WDR17: variants seen among roughly 807,000 people sequenced by gnomAD.
WDR17 encodes the protein WD repeat domain 17, also known as WD repeat-containing protein 17.
WDR17 carries 143 observed loss-of-function variants against 161.7 expected under a neutral mutation model. That is an observed-to-expected ratio of 0.88 (90% confidence interval 0.77 to 1.02). WDR17 has a LOEUF of 1.02. WDR17 is among the 50% of genes least tolerant of loss of function. WDR17 has a pLI of 0.00. For missense variants in WDR17, 1,469 were observed against 1,520.9 expected (o/e 0.97, Z 0.57); for synonymous variants, 517 against 515.6 (o/e 1.00, Z -0.04).
chr4:176,113,225 C>A (rs900060149), intron 2 of WDR17, among the ~76,000 whole-genome samples: 1 of 151,976 alleles, frequency 6.6e-6, no homozygotes, highest in African/African-American at 2.4e-5. Flanking sequence ...TCTCTCCTAA[C>A]CCTAAGTCCT....
rs1005312701 is a variant in WDR17 at position 176,156,081 on chromosome 4, G to A, written c.2463G>A (p.Trp821Ter). The change falls in exon 18 of 29, where the codon TGG (tryptophan) becomes TGA (stop). Residue 821 changes from tryptophan to a stop codon, truncating the protein, a stop_gained and splice_region_variant. Coordinates refer to ENST00000508596, the MANE Select transcript of WDR17 (RefSeq NM_181265.4). LOFTEE classifies it high-confidence loss of function. Reference sequence around the variant, plus strand: ...GCCCTTTTTGCCTTCTATTGTAGTGGGACAAAGCCCTGTCAATTGCACCAG... The same window carrying A: ...GCCCTTTTTGCCTTCTATTGTAGTGAGACAAAGCCCTGTCAATTGCACCAG... ...YCELMVELGE[W>*]DKALSIAPGV... is the part of the protein sequence containing the mutation. 1.2e-6 allele frequency: 2 copies of A among 1,613,234 alleles called. No homozygotes were observed. The highest frequency in any genetic ancestry group is 1.7e-6 in the Non-Finnish European group (2 of 1,179,692).
Position 176,163,273 on chromosome 4 carries a change from G to T in WDR17, c.2970G>T (p.Lys990Asn), listed in dbSNP as rs763338955. ...ATGCCTTAGAATTACTGGCGAGAAA[G>T]TGCATGATGATTTCAGTATGGTAAG... ...THYALELLAR[K>N]CMMISVWNLA... The change falls in exon 22 of 29, where the codon AAG (lysine) becomes AAT (asparagine). Residue 990 changes from lysine (K) to asparagine (N), a missense_variant. Physicochemically the swap from Lys to Asn is moderately conservative, Grantham distance 94. Coordinates refer to ENST00000508596, the MANE Select transcript of WDR17 (RefSeq NM_181265.4). 2.5e-6 allele frequency: 4 copies of T among 1,609,776 alleles called. No homozygotes were observed. The South Asian group carries it at 4.4e-5, about 18-fold the overall frequency.
intron 4 of WDR17, among the ~76,000 whole-genome samples, chr4:176,120,456 G>A (rs1741406064): frequency 1.3e-5 from 2 of 151,808 alleles, no homozygotes; most frequent in Non-Finnish European, 2.9e-5. Context: ...AGGACATACA[G>A]CTAGAGGATG....
chr4:176,074,072 GT>G (rs1733624604), intron 1 of WDR17, among the ~76,000 whole-genome samples: 1 of 151,766 alleles, frequency 6.6e-6, no homozygotes, highest in Non-Finnish European at 1.5e-5. Flanking sequence ...TCTGATGGTA[GT>G]TTCTTTTGCT....
intron 1 of WDR17, among the ~76,000 whole-genome samples, chr4:176,067,005 C>T (rs1241490598): frequency 6.6e-6 from 1 of 152,150 alleles, no homozygotes; most frequent in Non-Finnish European, 1.5e-5. Flanking sequence ...TAAATTTGAA[C>T]TCCACAAGAG....
intron 4 of WDR17, among the ~76,000 whole-genome samples, chr4:176,124,337 C>A (rs529144268): frequency 1.4e-4 from 21 of 152,158 alleles, no homozygotes; most frequent in African/African-American, 4.3e-4. Context: ...TTACAAAGAA[C>A]AAGAAGTTTG....
chr4:176,135,763 GTACA>G (rs1287411745), intron 8 of WDR17, among the ~76,000 whole-genome samples: 1 of 151,448 alleles, frequency 6.6e-6, no homozygotes, highest in Non-Finnish European at 1.5e-5. Flanking sequence ...ATACCTTGCT[GTACA>G]TATAAAGGAG....
At chr4:176,129,087 G>T (rs1024539409) in intron 6 of WDR17, among the ~76,000 whole-genome samples, 8 of 151,998 alleles carry the variant, frequency 5.3e-5, no homozygotes, top group African/African-American at 1.7e-4. Flanking sequence ...TACTAAGTAA[G>T]AATATTTAGA....
chr4:176,174,666 G>A lies in WDR17; in HGVS notation c.3397G>A (p.Ala1133Thr), dbSNP rs749926837. 3.1e-6 allele frequency: 5 copies of A among 1,612,284 alleles called. No individual in the cohort carries two copies. In the East Asian group the frequency reaches 1.1e-4, roughly 36 times the overall value. ...ATGTGGTTACATTGGTGCATTACTG[G>A]CTATCAGAAGACAGTACCAAAGCAT... ...ILCGYIGALL[A>T]IRRQYQSIVP... The change falls in exon 26 of 29, where the codon GCT (alanine) becomes ACT (threonine). Residue 1133 changes from alanine to threonine, a missense_variant. Ala to Thr is a moderately conservative substitution (Grantham distance 58). Transcript: ENST00000508596.
Position 176,130,561 on chromosome 4 carries a change from A to T in WDR17, c.914-993A>T, listed in dbSNP as rs141869529. 2.0e-5 allele frequency among the ~76,000 whole-genome samples: 3 copies of T among 151,504 alleles called. No homozygotes were observed. The East Asian group carries it at 5.8e-4, about 29-fold the overall frequency. On this transcript the variant is annotated intron_variant, in intron 6 of 28. Transcript: ENST00000508596. ...AGATCGAGACCATCCTGGCTAACAC[A>T]GTGAAACCCTGTCTCTACTAAAAAT...
intron 23 of WDR17, among the ~76,000 whole-genome samples, 170 bp downstream of exon 23, chr4:176,168,953 G>A (rs915071828): frequency 6.6e-6 from 1 of 152,172 alleles, no homozygotes; most frequent in African/African-American, 2.4e-5. Flanking sequence ...TTACTGAACT[G>A]CTATGTGCTT....
intron 1 of WDR17, among the ~76,000 whole-genome samples, chr4:176,069,052 A>T (rs895911333): frequency 1.3e-5 from 2 of 152,210 alleles, no homozygotes; most frequent in African/African-American, 4.8e-5. Context: ...TTCCATGCTT[A>T]AAGCATGGGC....
chr4:176,074,587 G>C (rs1283491026), intron 1 of WDR17, among the ~76,000 whole-genome samples: 6 of 151,774 alleles, frequency 4.0e-5, no homozygotes, highest in Non-Finnish European at 1.5e-5. Context: ...CTCATGAGTA[G>C]CTGCGACTAG....
chr4:176,168,756 T>C lies in WDR17; in HGVS notation c.3075T>C (p.Thr1025=), dbSNP rs1290329666. The stretch of plus-strand genomic sequence containing the variant: ...TCTGTGCTTTCTACCCAGGATGTAC[T>C]GAAGAGATAAATGACCTTCATGATA... ...IKLCAFYPGC[T]EEINDLHDKC... Residue 1025 remains threonine, a synonymous_variant, in exon 23 of 29, where the codon ACT becomes ACC. Transcript: ENST00000508596. 6.2e-7 allele frequency: 1 copy of C among 1,612,444 alleles called. No individual in the cohort carries two copies.
intron 26 of WDR17, among the ~76,000 whole-genome samples, chr4:176,176,113 A>G (rs1214521648): frequency 1.3e-5 from 2 of 152,244 alleles, no homozygotes; most frequent in Non-Finnish European, 2.9e-5. Context: ...TATCACATAG[A>G]TGTAAAATAA....
chr4:176,135,631 T>C (rs183197951), intron 8 of WDR17, among the ~76,000 whole-genome samples: 1 of 151,764 alleles, frequency 6.6e-6, no homozygotes, highest in Non-Finnish European at 1.5e-5. Context: ...ATCCTGTTTA[T>C]GGTTATATAT....
At chr4:176,093,143 T>C (rs1736357480) in intron 1 of WDR17, among the ~76,000 whole-genome samples, 1 of 151,640 alleles carries the variant, frequency 6.6e-6, no homozygotes, top group Non-Finnish European at 1.5e-5. Flanking sequence ...ACCAAAGAAG[T>C]GAAAGAGTCT....
At chr4:176,128,676 G>C (rs1742842406) in intron 5 of WDR17, 62 bp from the exon 6 acceptor site, 1 of 1,525,658 alleles carries the variant, frequency 6.6e-7, no homozygotes, top group East Asian at 2.3e-5. Flanking sequence ...ATACTTTTAT[G>C]TCTAGGCATT....
chr4:176,151,892 G>T lies in WDR17; in HGVS notation c.2385G>T (p.Leu795=). The change falls in exon 17 of 29, where the codon CTG becomes CTT. Residue 795 remains leucine (L), a synonymous_variant. Coordinates refer to ENST00000508596, the MANE Select transcript of WDR17 (RefSeq NM_181265.4). Reference sequence around the variant, plus strand: ...GTGTACCTGCTAAAGAGGAAAGACTGAAGGAAGCTGCTGAAATCCACTTGA... The same window carrying T: ...GTGTACCTGCTAAAGAGGAAAGACTTAAGGAAGCTGCTGAAATCCACTTGA... The part of the protein sequence containing the change: ...GIGVPAKEER[L]KEAAEIHLRL... 6.2e-7 allele frequency: 1 copy of T among 1,613,478 alleles called. No individual in the cohort carries two copies. The highest frequency in any genetic ancestry group is 8.5e-7 in the Non-Finnish European group (1 of 1,179,754).
Sources: gnomAD v4.1 joint callset for allele counts (sites outside exome capture counted in the v4.1 genomes callset) on GRCh38, gnomAD v4.1.1 for gene constraint, MANE v1.5 for transcripts, NCBI Gene and HGNC (gene_info 2026-07-23, HGNC 2026-07-21) for gene names.